Variants in CEP290 observed in about 807,000 individuals in gnomAD.
CEP290 encodes the protein centrosomal protein of 290 kDa.
A neutral mutation model predicts 344.9 loss-of-function variants in CEP290; 317 were observed. That is an observed-to-expected ratio of 0.92 (90% CI 0.84 to 1.01). CEP290 has a LOEUF of 1.01. CEP290 is among the 50% of genes least tolerant of loss of function. The pLI is 0.00. For synonymous variants in CEP290, 932 were observed against 895.8 expected (o/e 1.04, Z -0.72); for missense variants, 2,754 against 2,761.4 (o/e 1.00, Z 0.06).
intron 31 of CEP290, among the ~76,000 whole-genome samples, chr12:88,088,444 T>C (rs1415200106): frequency 1.3e-5 from 2 of 152,084 alleles, no homozygotes; most frequent in African/African-American, 4.8e-5. Context: ...TGTTTAAATA[T>C]AATAATTAGT....
At chr12:88,085,831 A>G (rs1194312426) in intron 34 of CEP290, among the ~76,000 whole-genome samples, 2 of 152,194 alleles carry the variant, frequency 1.3e-5, no homozygotes, top group East Asian at 3.8e-4. Context: ...ACCGAAAGGT[A>G]CCAACTAATA....
intron 41 of CEP290, among the ~76,000 whole-genome samples, chr12:88,073,633 C>G (rs1372550442): frequency 1.3e-4 from 20 of 151,894 alleles, no homozygotes; most frequent in Admixed American, 1.3e-3. Context: ...GGTTGAGAAC[C>G]ATGGTTTAAA....
intron 44 of CEP290, among the ~76,000 whole-genome samples, chr12:88,066,301 T>C (rs957774972): frequency 6.6e-6 from 1 of 152,168 alleles, no homozygotes; most frequent in African/African-American, 2.4e-5. Context: ...AAGTGCTTTT[T>C]GTTTGTTTGT....
intron 26 of CEP290, among the ~76,000 whole-genome samples, chr12:88,100,774 A>T (rs1450558208): frequency 2.0e-5 from 3 of 152,184 alleles, no homozygotes; most frequent in Non-Finnish European, 4.4e-5. Flanking sequence ...ATGCTTAAGA[A>T]AAAAAAGGTA....
intron 6 of CEP290, 115 bp downstream of exon 6, chr12:88,136,528 T>C: frequency 9.9e-7 from 1 of 1,013,532 alleles, no homozygotes; most frequent in Non-Finnish European, 1.5e-6. Flanking sequence ...TAGAGATAAG[T>C]GTACATCATT....
At chr12:88,115,821 G>A (rs2039005312) in intron 18 of CEP290, 3 of 984,360 alleles carry the variant, frequency 3.0e-6, no homozygotes, top group African/African-American at 1.7e-5. Flanking sequence ...ATTTTCAAGA[G>A]AATTTATCTG....
intron 43 of CEP290, among the ~76,000 whole-genome samples, chr12:88,070,309 C>T (rs755940053): frequency 1.3e-5 from 2 of 152,158 alleles, no homozygotes; most frequent in Non-Finnish European, 2.9e-5. Context: ...GATGAATTTA[C>T]CTTTTCTTTT....
intron 41 of CEP290, among the ~76,000 whole-genome samples, chr12:88,073,159 G>A (rs1300751511): frequency 6.6e-6 from 1 of 152,124 alleles, no homozygotes; most frequent in African/African-American, 2.4e-5. Context: ...TTCACACTAA[G>A]TAATTTTTTA....
intron 26 of CEP290, among the ~76,000 whole-genome samples, chr12:88,100,130 C>T (rs1282644053): frequency 1.3e-5 from 2 of 151,934 alleles, no homozygotes; most frequent in Non-Finnish European, 2.9e-5. Context: ...ATTAGCCGGC[C>T]GTGCTGGTGG....
At chr12:88,076,227 A>G (rs891011005) in intron 41 of CEP290, among the ~76,000 whole-genome samples, 3 of 152,162 alleles carry the variant, frequency 2.0e-5, no homozygotes, top group Non-Finnish European at 4.4e-5. Flanking sequence ...GACAGCAAGC[A>G]TGTTGTGACT....
At chr12:88,054,529 T>A (rs550171262) in intron 50 of CEP290, 116 bp from the exon 51 acceptor site, 1 of 741,084 alleles carries the variant, frequency 1.3e-6, no homozygotes, top group East Asian at 2.8e-5. Context: ...AAAGCACGCA[T>A]AGGCAAATTT....
intron 33 of CEP290, 31 bp from the exon 34 acceptor site, chr12:88,086,204 G>A: frequency 6.3e-7 from 1 of 1,599,030 alleles, no homozygotes; most frequent in Non-Finnish European, 8.5e-7. Flanking sequence ...TTTTAAAAAA[G>A]CAGTTGCAGC....
At chr12:88,108,949 T>C (rs1025663890) in intron 23 of CEP290, 117 bp downstream of exon 23, 7 of 469,286 alleles carry the variant, frequency 1.5e-5, no homozygotes, top group Non-Finnish European at 7.6e-6. Flanking sequence ...TAAAAAAAAA[T>C]ACAATTGCAA....
chr12:88,122,436 A>AAT (rs2039462414), intron 13 of CEP290, among the ~76,000 whole-genome samples: 1 of 152,160 alleles, frequency 6.6e-6, no homozygotes, highest in Non-Finnish European at 1.5e-5. Context: ...ATAGATGAGA[A>AAT]ATAAATGTCT....
intron 22 of CEP290, 37 bp from the exon 23 acceptor site, chr12:88,109,218 A>AC (rs745401678): frequency 1.5e-6 from 1 of 678,018 alleles, no homozygotes; most frequent in Non-Finnish European, 2.4e-6. Context: ...GCAAAAAAAA[A>AC]CACAATAGAA....
At chr12:88,065,074 A>C (rs949348047) in intron 44 of CEP290, among the ~76,000 whole-genome samples, 7 of 151,904 alleles carry the variant, frequency 4.6e-5, no homozygotes, top group African/African-American at 7.3e-5. Context: ...AACTGTGCTT[A>C]ATTATATTTT....
chr12:88,125,453 C>A, intron 12 of CEP290, 84 bp from the exon 13 acceptor site: 1 of 611,746 alleles, frequency 1.6e-6, no homozygotes, highest in South Asian at 7.7e-5. Context: ...TGATTTTTTT[C>A]AACAAGACTG....
intron 33 of CEP290, 61 bp from the exon 34 acceptor site, chr12:88,086,234 T>G (rs1228293304): frequency 6.4e-7 from 1 of 1,573,966 alleles, no homozygotes; most frequent in African/African-American, 1.4e-5. Context: ...AACTATTAAT[T>G]TTTACAGCTG....
chr12:88,070,823 CT>C (rs1230595157), intron 43 of CEP290, among the ~76,000 whole-genome samples: 3 of 152,080 alleles, frequency 2.0e-5, no homozygotes, highest in Non-Finnish European at 2.9e-5. Flanking sequence ...TTATGAACTT[CT>C]GGGCTCACTC....
Sources: allele counts gnomAD v4.1 joint callset (sites outside exome capture counted in the v4.1 genomes callset), GRCh38; gene constraint gnomAD v4.1.1; transcripts MANE v1.5; gene names NCBI Gene and HGNC (gene_info 2026-07-23, HGNC 2026-07-21).